The following PPIL4 variants were observed in gnomAD, a reference collection of about 807,000 sequenced individuals.
PPIL4 encodes the protein peptidyl-prolyl cis-trans isomerase-like 4.
A neutral mutation model predicts 69.1 loss-of-function variants in PPIL4; 50 were observed. The ratio of observed to expected loss-of-function variants is 0.72; its 90% CI spans 0.58 to 0.92. The LOEUF (loss-of-function observed/expected upper bound fraction) is 0.92, where lower values mean the gene tolerates loss of function less well. Among genes scored for constraint, PPIL4 ranks in the 40% least tolerant of loss-of-function variants. The pLI is 0.00. For synonymous variants in PPIL4, 193 were observed against 191.6 expected (o/e 1.01, Z -0.06); for missense variants, 480 against 587.9 (o/e 0.82, Z 1.90).
intron 6 of PPIL4, 114 bp downstream of exon 6, chr6:149,534,564 T>A: frequency 1.7e-6 from 1 of 574,476 alleles, no homozygotes. Flanking sequence ...ACTTGTTGAA[T>A]ATAATTAAGC....
intron 11 of PPIL4, among the ~76,000 whole-genome samples, chr6:149,513,481 A>G (rs1209805971): frequency 6.8e-6 from 1 of 146,314 alleles, no homozygotes; most frequent in African/African-American, 2.5e-5. Flanking sequence ...TTAGTAGCAA[A>G]GTAGGAACAA....
At chr6:149,538,992 G>A (rs1416277944) in intron 4 of PPIL4, among the ~76,000 whole-genome samples, 4 of 151,956 alleles carry the variant, frequency 2.6e-5, no homozygotes, top group Middle Eastern at 3.2e-3. Context: ...GACTACTGGC[G>A]CCTGCCACCA....
In PPIL4 at chr6:149,540,962, T is replaced by C. The variant is rs138189635; in HGVS notation, c.301A>G (p.Ser101Gly). The part of the protein sequence containing the change: ...KGTVSMVNNG[S>G]DQHGSQFLIT... ...CTAACCTGAGATCCATGTTGATCAC[T>C]GCCATTATTCACCATGGACACTGTG... is the stretch of plus-strand genomic sequence containing the variant. The change falls in exon 4 of 13, where the codon AGT becomes GGT. Residue 101 changes from serine to glycine, a missense_variant. By Grantham distance (56) the Ser-to-Gly change is moderately conservative. Coordinates refer to ENST00000253329, the MANE Select transcript of PPIL4 (RefSeq NM_139126.4). The C allele has an allele frequency of 2.7e-5, 44 of 1,604,694 alleles. No homozygotes were observed. The highest frequency in any genetic ancestry group is 3.8e-5 in the Non-Finnish European group (44 of 1,172,278).
chr6:149,505,014 A>G lies in PPIL4; in HGVS notation c.*439T>C, dbSNP rs7773304. The stretch of plus-strand genomic sequence containing the variant: ...TACGTATGTTGTAAAACTATAATAG[A>G]CAAATGACAAACACAAAATTCCAAA... On this transcript the variant is annotated 3_prime_UTR_variant, in exon 13 of 13. Coordinates refer to ENST00000253329, the MANE Select transcript of PPIL4 (RefSeq NM_139126.4). 0.027 allele frequency: 4,117 copies of G among 154,828 alleles called. 164 individuals are homozygous for G. Among genetic ancestry groups the G allele is most frequent in the African/African-American group, 0.093 (3,851 of 41,578 alleles). The allele number at this position is 154,828 out of a possible 1,614,324, so 9.6% of individuals were successfully genotyped here. A position where few individuals can be genotyped will look rare whatever the true frequency, so the allele number is the denominator to read the frequency against.
intron 10 of PPIL4, 25 bp downstream of exon 10, chr6:149,521,035 A>G: frequency 1.5e-6 from 2 of 1,329,884 alleles, no homozygotes; most frequent in African/African-American, 1.5e-5. Context: ...AAAGCAGAAC[A>G]AAAACAAAAG....
chr6:149,532,057 T>G (rs1777207783), intron 7 of PPIL4, among the ~76,000 whole-genome samples: 1 of 152,218 alleles, frequency 6.6e-6, no homozygotes, highest in Admixed American at 6.5e-5. Flanking sequence ...CATTGAATAC[T>G]GCTGCTCTTA....
At chr6:149,522,200 T>C (rs1777039333) in intron 9 of PPIL4, among the ~76,000 whole-genome samples, 1 of 152,180 alleles carries the variant, frequency 6.6e-6, no homozygotes. Context: ...ATCACCATGC[T>C]ATATCCCCAA....
Position 149,512,243 on chromosome 6 carries a change from T to C in PPIL4, c.1139A>G (p.His380Arg), listed in dbSNP as rs370213593. 3.7e-6 allele frequency: 6 copies of C among 1,613,262 alleles called. No individual in the cohort carries two copies. The highest frequency in any genetic ancestry group is 1.3e-5 in the African/African-American group (1 of 74,928). The change falls in exon 12 of 13, where the codon CAC becomes CGC. Residue 380 changes from histidine to arginine, a missense_variant. Coordinates refer to ENST00000253329, the MANE Select transcript of PPIL4 (RefSeq NM_139126.4). Reference sequence around the variant, plus strand: ...TTTCTTCTTGTGTTTTTTACTTGTGTGTGAGTGACTTGATTTTGAGTCTTC... The same window carrying C: ...TTTCTTCTTGTGTTTTTTACTTGTGCGTGAGTGACTTGATTTTGAGTCTTC... ...QAEDSKSSHS[H>R]TSKKHKKKTH...
chr6:149,541,132 G>C lies in PPIL4; in HGVS notation c.204-73C>G, dbSNP rs1266872036. On this transcript the variant is annotated intron_variant, in intron 3 of 12. Coordinates refer to ENST00000253329, the MANE Select transcript of PPIL4 (RefSeq NM_139126.4). Reference sequence around the variant, plus strand: ...TACAGAAGTACTAGTAACATACAGGGTTATCAATTATTTCTTTACAGAAAT... The same window carrying C: ...TACAGAAGTACTAGTAACATACAGGCTTATCAATTATTTCTTTACAGAAAT... 3 of 760,816 alleles carry C rather than the reference G, an allele frequency of 3.9e-6. No homozygotes were observed. The Admixed American group carries it at 7.2e-5, about 18-fold the overall frequency. 47.1% of individuals were successfully genotyped at this position (760,816 alleles called of 1,614,324 possible).
chr6:149,505,295 T>C lies in PPIL4; in HGVS notation c.*158A>G, dbSNP rs1445741402. The C allele has an allele frequency of 1.8e-6, 1 of 561,834 alleles. No individual in the cohort carries two copies. Among genetic ancestry groups the C allele is most frequent in the East Asian group, 3.0e-5 (1 of 33,538 alleles). 34.8% of individuals were successfully genotyped at this position (561,834 alleles called of 1,614,324 possible). A position where few individuals can be genotyped will look rare whatever the true frequency, so the allele number is the denominator to read the frequency against. ...CAAAGAAAATGTTCAATTCTTTATC[T>C]TTCCGTGCTCTATATAATCAGTATT... On this transcript the variant is annotated 3_prime_UTR_variant, in exon 13 of 13. Coordinates refer to ENST00000253329, the MANE Select transcript of PPIL4 (RefSeq NM_139126.4).
chr6:149,526,450 C>CTG (rs138006971), intron 8 of PPIL4, among the ~76,000 whole-genome samples: 1,632 of 151,554 alleles, frequency 0.011, 31 homozygotes, highest in African/African-American at 0.038. Context: ...AATTATTTAT[C>CTG]TGTGTGTGTG....
At chr6:149,526,816 T>C (rs751589624) in intron 7 of PPIL4, 40 bp from the exon 8 acceptor site, 1 of 1,590,528 alleles carries the variant, frequency 6.3e-7, no homozygotes, top group Non-Finnish European at 8.6e-7. Context: ...CAATTCCTAT[T>C]TAGTTTCCAT....
intron 4 of PPIL4, among the ~76,000 whole-genome samples, chr6:149,540,189 A>G (rs569881101): frequency 1.5e-4 from 23 of 152,330 alleles, no homozygotes; most frequent in Non-Finnish European, 2.8e-4. Flanking sequence ...ACTCAACTTC[A>G]TGTGTATATA....
At chr6:149,507,871 A>G (rs1044459098) in intron 12 of PPIL4, among the ~76,000 whole-genome samples, 8 of 152,228 alleles carry the variant, frequency 5.3e-5, no homozygotes, top group East Asian at 3.8e-4. Flanking sequence ...TAATTAGAGA[A>G]GGTTTCATGG....
In PPIL4 at chr6:149,546,036, G is replaced by A. The variant is rs544724495; in HGVS notation, c.-31C>T. The A allele has an allele frequency of 7.7e-6, 12 of 1,551,002 alleles. No individual in the cohort carries two copies. In the East Asian group the frequency reaches 9.7e-5, roughly 13 times the overall value. On this transcript the variant is annotated 5_prime_UTR_variant, in exon 1 of 13. Coordinates refer to ENST00000253329, the MANE Select transcript of PPIL4 (RefSeq NM_139126.4). ...CCGCTCCTCCTCCGCTACAAACCCC[G>A]GGAGGAGGGGGGTGACAGGCGCAGG...
intron 12 of PPIL4, among the ~76,000 whole-genome samples, chr6:149,508,941 T>C (rs181349394): frequency 2.6e-5 from 4 of 152,234 alleles, no homozygotes; most frequent in East Asian, 3.9e-4. Flanking sequence ...TAGCTGAAAT[T>C]TGTCTAGTAC....
Position 149,541,027 on chromosome 6 carries a change from T to A in PPIL4, c.236A>T (p.Glu79Val). The A allele has an allele frequency of 6.2e-7, 1 of 1,611,994 alleles. No individual in the cohort carries two copies. ...QLYGDQASFF[E>V]AEKVPRIKHK... ...CTTAATTCTTGGGACTTTTTCTGCC[T>A]CAAAAAAGCTTGCTTGATCACCATA... Residue 79 changes from glutamate to valine, a missense_variant, in exon 4 of 13, where the codon GAG becomes GTG. Coordinates refer to ENST00000253329, the MANE Select transcript of PPIL4 (RefSeq NM_139126.4).
chr6:149,511,150 C>G (rs1776835254), intron 12 of PPIL4, among the ~76,000 whole-genome samples: 1 of 151,958 alleles, frequency 6.6e-6, no homozygotes, highest in Non-Finnish European at 1.5e-5. Flanking sequence ...CACCTCAGCC[C>G]ACTGAAATCC....
intron 11 of PPIL4, among the ~76,000 whole-genome samples, chr6:149,515,862 T>C (rs1776935738): frequency 1.3e-5 from 2 of 152,218 alleles, no homozygotes; most frequent in Non-Finnish European, 2.9e-5. Context: ...GCCAAGTTAT[T>C]TCCTTCTCCT....
Sources: allele counts gnomAD v4.1 joint callset (sites outside exome capture counted in the v4.1 genomes callset), GRCh38; gene constraint gnomAD v4.1.1; transcripts MANE v1.5; gene names NCBI Gene and HGNC (gene_info 2026-07-23, HGNC 2026-07-21).